The following SORCS2 variants were observed in gnomAD, a reference collection of about 807,000 sequenced individuals.
The protein encoded by SORCS2 is sortilin related VPS10 domain containing receptor 2.
SORCS2 carries 100 observed loss-of-function variants against 141.6 expected under a neutral mutation model. That is an observed-to-expected ratio of 0.71 (90% CI 0.60 to 0.83). The LOEUF (loss-of-function observed/expected upper bound fraction) is 0.83. Among genes scored for constraint, SORCS2 ranks in the 40% least tolerant of loss-of-function variants. The pLI is 0.00. For missense variants in SORCS2, 1,646 were observed against 1,560.2 expected, an observed-to-expected ratio of 1.05 and a Z score of -0.93; for synonymous variants, 789 against 676.9, an observed-to-expected ratio of 1.17 and a Z score of -2.57.
At chr4:7,358,014 T>C (rs1721357541) in intron 1 of SORCS2, among the ~76,000 whole-genome samples, 1 of 152,232 alleles carries the variant, frequency 6.6e-6, no homozygotes, top group East Asian at 1.9e-4. Context: ...AATATTTGTG[T>C]ACCCCCCATT....
At chr4:7,537,105 G>A (rs768264249) in intron 3 of SORCS2, among the ~76,000 whole-genome samples, 9 of 152,182 alleles carry the variant, frequency 5.9e-5, no homozygotes, top group Non-Finnish European at 1.2e-4. Flanking sequence ...AGCACAGCCC[G>A]GCCCGCTTGG....
rs1462248610 is a variant in SORCS2 at position 7,490,881 on chromosome 4, C to T, written c.549-40649C>T. 2.0e-5 allele frequency among the ~76,000 whole-genome samples: 3 copies of T among 152,146 alleles called. No homozygotes were observed. In the East Asian group the frequency reaches 5.8e-4, roughly 29 times the overall value. On this transcript the variant is annotated intron_variant, in intron 2 of 26. Transcript: ENST00000507866. ...GCCCTGCTTCCTCTGTGCCCTCTGC[C>T]CATGCCTTAGCCTCCAGACCACCGT...
chr4:7,581,821 C>A (rs1241538239), intron 3 of SORCS2, among the ~76,000 whole-genome samples: 1 of 152,206 alleles, frequency 6.6e-6, no homozygotes, highest in Non-Finnish European at 1.5e-5. Flanking sequence ...AGTGCTTGCT[C>A]ATTAGAGACA....
rs1232720867 is a variant in SORCS2, at chr4:7,286,965, G to A, written c.480+93839G>A. ...AGGGACCAGGGCCACTGGTACGAAC[G>A]CTTCTTGCATCAGGTGGCTGCAGCC... On this transcript the variant is annotated intron_variant, in intron 1 of 26. Transcript: ENST00000507866. The surrounding 1 kb of genome is among the most constrained non-coding windows in gnomAD (Gnocchi z 4.1). Among the ~76,000 whole-genome samples the A allele has an allele frequency of 1.3e-5, 2 of 152,160 alleles. No homozygotes were observed. Among genetic ancestry groups the A allele is most frequent in the Non-Finnish European group, 2.9e-5 (2 of 68,034 alleles).
chr4:7,524,298 C>A (rs1341238265), intron 2 of SORCS2, among the ~76,000 whole-genome samples: 1 of 152,148 alleles, frequency 6.6e-6, no homozygotes, highest in East Asian at 1.9e-4. Context: ...CTGGAGCCCT[C>A]AGCAGCTGGA....
intron 1 of SORCS2, among the ~76,000 whole-genome samples, chr4:7,377,787 C>A (rs1374088372): frequency 1.3e-5 from 2 of 152,138 alleles, no homozygotes; most frequent in Non-Finnish European, 2.9e-5. Flanking sequence ...ACAAGTCGGG[C>A]CAGTGAAGGG....
chr4:7,208,171 C>G (rs913323888), intron 1 of SORCS2, among the ~76,000 whole-genome samples: 1 of 152,002 alleles, frequency 6.6e-6, no homozygotes, highest in African/African-American at 2.4e-5. Context: ...CTGGCCTGGC[C>G]TCCTCACCCC....
chr4:7,631,324 T>G (rs1287537392), intron 3 of SORCS2, among the ~76,000 whole-genome samples: 1 of 149,010 alleles, frequency 6.7e-6, no homozygotes, highest in Non-Finnish European at 1.5e-5. Context: ...GGCAGGGAGG[T>G]GTGGACTCAT....
intron 2 of SORCS2, among the ~76,000 whole-genome samples, chr4:7,493,971 C>T (rs1324319607): frequency 6.6e-6 from 1 of 152,120 alleles, no homozygotes; most frequent in African/African-American, 2.4e-5. Flanking sequence ...TCAGTGCCCA[C>T]TTAACATACA....
At chr4:7,603,253 T>G (rs1314348957) in intron 3 of SORCS2, among the ~76,000 whole-genome samples, 1 of 152,170 alleles carries the variant, frequency 6.6e-6, no homozygotes, top group Non-Finnish European at 1.5e-5. Context: ...TTTGTTTAGA[T>G]CACTCCATAT....
intron 4 of SORCS2, among the ~76,000 whole-genome samples, chr4:7,641,611 G>A (rs2108872650): frequency 6.6e-6 from 1 of 152,318 alleles, no homozygotes; most frequent in South Asian, 2.1e-4. Flanking sequence ...GCTCTTTGAG[G>A]GCAGGGAAAG....
Position 7,740,211 on chromosome 4 carries a change from G to A in SORCS2, c.3427G>A (p.Gly1143Ser). ...CTTCTGTTTCCTAGGCAACCACTCA[G>A]GCGTGGTCCTGAGCATCAACTCCCG... The part of the protein sequence containing the change: ...VQGAVQGNHS[G>S]VVLSINSREM... The change falls in exon 27 of 27, where the codon GGC becomes AGC. Residue 1143 changes from glycine to serine, a missense_variant. Transcript: ENST00000507866. 6.2e-7 allele frequency: 1 copy of A among 1,608,696 alleles called. No individual in the cohort carries two copies. The highest frequency in any genetic ancestry group is 8.5e-7 in the Non-Finnish European group (1 of 1,179,184).
chr4:7,248,674 G>A (rs1370721367), intron 1 of SORCS2, among the ~76,000 whole-genome samples: 2 of 152,148 alleles, frequency 1.3e-5, no homozygotes, highest in Admixed American at 1.3e-4. Context: ...TTCTTTATTC[G>A]ATTTTATTCC....
chr4:7,259,585 G>A (rs1714174583), intron 1 of SORCS2, among the ~76,000 whole-genome samples: 2 of 152,178 alleles, frequency 1.3e-5, no homozygotes. Flanking sequence ...GAGCCCTCTT[G>A]CTCCTCATGC....
chr4:7,692,120 G>T (rs755209248), intron 11 of SORCS2, among the ~76,000 whole-genome samples: 5 of 152,196 alleles, frequency 3.3e-5, no homozygotes, highest in Admixed American at 6.5e-5. Context: ...TGTGTCCATT[G>T]TTTCCAGCCT....
intron 1 of SORCS2, among the ~76,000 whole-genome samples, chr4:7,310,141 C>A (rs557220902): frequency 6.6e-6 from 1 of 152,334 alleles, no homozygotes; most frequent in Admixed American, 6.5e-5. Flanking sequence ...AGCCAGCAGT[C>A]ATGCTTGTGC....
rs188637645 is a variant in SORCS2, at chr4:7,633,283, C to T, written c.649-5045C>T. 1.5e-3 allele frequency among the ~76,000 whole-genome samples: 231 copies of T among 152,204 alleles called. 1 individual carries two copies. Among genetic ancestry groups the T allele is most frequent in the African/African-American group, 5.3e-3 (220 of 41,532 alleles). ...ACAAGGAGTTTGCCGTGGCTGATGC[C>T]AGGAGCCTGAGGGGTGGGAGGTGAA... is the stretch of plus-strand genomic sequence containing the variant. On this transcript the variant is annotated intron_variant, in intron 3 of 26. Transcript: ENST00000507866.
At position 7,263,717 on chromosome 4, in the gene SORCS2, C is replaced by A. The variant is rs547129733; in HGVS notation, c.480+70591C>A. Among the ~76,000 whole-genome samples the A allele has an allele frequency of 2.0e-5, 3 of 152,316 alleles. No individual in the cohort carries two copies. The South Asian group carries it at 6.2e-4, about 32-fold the overall frequency. On this transcript the variant is annotated intron_variant, in intron 1 of 26. Transcript: ENST00000507866. ...GACTCTCCTGGGGACTGCTGCTTGGCAGGCTCCTCCTCCATGCTGGTGTGG... is the reference window on the plus strand; with the variant it reads ...GACTCTCCTGGGGACTGCTGCTTGGAAGGCTCCTCCTCCATGCTGGTGTGG...
chr4:7,587,104 C>G (rs372937227), intron 3 of SORCS2, among the ~76,000 whole-genome samples: 2 of 151,860 alleles, frequency 1.3e-5, no homozygotes, highest in South Asian at 4.2e-4. Flanking sequence ...ATGAGAGGTG[C>G]GCAAGCAGAA....
Sources: allele counts gnomAD v4.1 joint callset (sites outside exome capture counted in the v4.1 genomes callset), GRCh38; gene constraint gnomAD v4.1.1; non-coding constraint Gnocchi (gnomAD v3.1); transcripts MANE v1.5; gene names NCBI Gene and HGNC (gene_info 2026-07-23, HGNC 2026-07-21).